CPLANE1: variants seen among roughly 807,000 people sequenced by gnomAD.
The protein encoded by CPLANE1 is ciliogenesis and planar polarity effector complex subunit 1.
CPLANE1 carries 263 observed loss-of-function variants against 362.5 expected under a neutral mutation model. The ratio of observed to expected loss-of-function variants is 0.73; its 90% CI spans 0.66 to 0.80. CPLANE1 has a LOEUF of 0.80. CPLANE1 is among the 30% of genes least tolerant of loss of function. CPLANE1 has a pLI of 0.00. For synonymous variants in CPLANE1, 1,212 were observed against 1,302.6 expected, an observed-to-expected ratio of 0.93 and a Z score of 1.50; for missense variants, 3,461 against 3,793.4, an observed-to-expected ratio of 0.91 and a Z score of 2.30.
intron 24 of CPLANE1, among the ~76,000 whole-genome samples, chr5:37,185,436 T>TA (rs1248592557): frequency 2.0e-5 from 3 of 152,040 alleles, no homozygotes; most frequent in South Asian, 2.1e-4. Context: ...TATTATCACA[T>TA]AGAGAATAAG....
In CPLANE1 at chr5:37,165,681, A is replaced by G. The variant is rs760291581; in HGVS notation, c.7401-10T>C. 1.3e-6 allele frequency: 2 copies of G among 1,596,344 alleles called. No homozygotes were observed. On this transcript the variant is annotated splice_polypyrimidine_tract_variant and intron_variant, in intron 35 of 52. Transcript: ENST00000651892. ...AGCTCTTCTTCTTTGCCTGTTAAAC[A>G]TAATAGCATAAAACATACTTTTACA...
the CPLANE1 span, among the ~76,000 whole-genome samples, chr5:37,096,919 G>A: frequency 7.9e-5 from 12 of 152,270 alleles, no homozygotes; most frequent in South Asian, 2.1e-4. Flanking sequence ...AGATGTTGGC[G>A]TGGATGCAGT....
the CPLANE1 span, among the ~76,000 whole-genome samples, chr5:37,089,291 C>T: frequency 2.1e-3 from 314 of 152,276 alleles, no homozygotes; most frequent in African/African-American, 6.9e-3. Flanking sequence ...GGAAGAAAGG[C>T]AGTTATACAA....
At chr5:37,239,580 CAAAAA>C (rs10591482) in intron 7 of CPLANE1, 128 bp downstream of exon 7, 221 of 303,936 alleles carry the variant, frequency 7.3e-4, no homozygotes, top group Middle Eastern at 2.0e-3. Context: ...GAGACCCTGT[CAAAAA>C]AAAAAAAAAA....
chr5:37,084,028 C>T, the CPLANE1 span, among the ~76,000 whole-genome samples: 1 of 152,148 alleles, frequency 6.6e-6, no homozygotes, highest in Non-Finnish European at 1.5e-5. Context: ...AGCTGTGAGA[C>T]AAAAGCACCA....
intron 15 of CPLANE1, among the ~76,000 whole-genome samples, chr5:37,220,881 T>C (rs1384746312): frequency 6.6e-6 from 1 of 152,236 alleles, no homozygotes; most frequent in Non-Finnish European, 1.5e-5. Context: ...ACTAAACTGC[T>C]GTAAGCAATA....
At chr5:37,086,309 C>G in the CPLANE1 span, among the ~76,000 whole-genome samples, 2 of 152,136 alleles carry the variant, frequency 1.3e-5, no homozygotes, top group Non-Finnish European at 2.9e-5. Context: ...GGCCACAAAA[C>G]GAGCCTCAAT....
At position 37,125,379 on chromosome 5, in the gene CPLANE1, T is replaced by C; in HGVS notation, c.8823A>G (p.Gln2941=). 6.2e-7 allele frequency: 1 copy of C among 1,613,410 alleles called. No individual in the cohort carries two copies. Among genetic ancestry groups the C allele is most frequent in the South Asian group, 1.1e-5 (1 of 90,946 alleles). The change falls in exon 47 of 53, where the codon CAA becomes CAG. Residue 2941 remains glutamine, a synonymous_variant. Coordinates refer to ENST00000651892, the MANE Select transcript of CPLANE1 (RefSeq NM_001384732.1). The stretch of plus-strand genomic sequence containing the variant: ...TCTCTCTTCTTTCCTTGTCAGTTCT[T>C]TGTGAATGTCTGCCAGAATAATGCT... ...RIQHYSGRHS[Q]RTDKERREIQ...
At chr5:37,193,913 AC>A (rs1308657764) in intron 21 of CPLANE1, among the ~76,000 whole-genome samples, 1 of 149,386 alleles carries the variant, frequency 6.7e-6, no homozygotes, top group Admixed American at 6.7e-5. Flanking sequence ...CCAGAAAGGA[AC>A]TTTTTTTTTC....
chr5:37,222,729 A>T (rs1162371155), intron 14 of CPLANE1, among the ~76,000 whole-genome samples: 1 of 152,228 alleles, frequency 6.6e-6, no homozygotes, highest in Non-Finnish European at 1.5e-5. Flanking sequence ...AGAGAACTAC[A>T]CTAGCCTTCT....
chr5:37,210,688 AAG>A (rs1580766779), intron 16 of CPLANE1: 5 of 1,574,730 alleles, frequency 3.2e-6, no homozygotes, highest in East Asian at 2.2e-5. Flanking sequence ...CTACTAAAAG[AAG>A]AGAGACTGGA....
intron 8 of CPLANE1, among the ~76,000 whole-genome samples, chr5:37,234,422 G>C (rs1266698175): frequency 1.4e-5 from 2 of 142,944 alleles, no homozygotes; most frequent in African/African-American, 5.2e-5. Flanking sequence ...AAAATGAATT[G>C]AAGGAAATAT....
chr5:37,180,895 T>A lies in CPLANE1; in HGVS notation c.5532A>T (p.Glu1844Asp), dbSNP rs184096663. ...GACAAGATTTATTCTGACCATTTCT[T>A]TCCTCAGTTCCACCTGGAGTTGCTA... is the stretch of plus-strand genomic sequence containing the variant. ...VAVATPGGTEERNGQNKSCQN... is the reference protein window; with the variant it reads ...VAVATPGGTEDRNGQNKSCQN... The change falls in exon 27 of 53, where the codon GAA (glutamate) becomes GAT (aspartate). Residue 1844 changes from glutamate to aspartate, a missense_variant. By Grantham distance (45) the Glu-to-Asp change is conservative. Around this residue, in one of 2 missense-constraint regions of CPLANE1, gnomAD observed 3,380 missense variants for 3,666.1 expected, o/e 0.92. Coordinates refer to ENST00000651892, the MANE Select transcript of CPLANE1 (RefSeq NM_001384732.1). The A allele has an allele frequency of 5.0e-5, 80 of 1,614,120 alleles. No individual in the cohort carries two copies. In the East Asian group the frequency reaches 1.8e-3, roughly 36 times the overall value.
chr5:37,124,217 A>T (rs1337512904), intron 47 of CPLANE1, among the ~76,000 whole-genome samples: 3 of 152,206 alleles, frequency 2.0e-5, no homozygotes, highest in Admixed American at 2.0e-4. Context: ...ATGATGCTGA[A>T]AAAAATGAAG....
rs761204692 is a variant in CPLANE1, at chr5:37,185,089, A to G, written c.4190-10T>C. On this transcript the variant is annotated splice_polypyrimidine_tract_variant and intron_variant, in intron 24 of 52. Transcript: ENST00000651892. ...TCCTCAGTCTGGGGTCCTGGAAAGAAAAGAATAAAAAGTCTTAGTGTTCAT... is the reference window on the plus strand; with the variant it reads ...TCCTCAGTCTGGGGTCCTGGAAAGAGAAGAATAAAAAGTCTTAGTGTTCAT... 1 of 1,565,034 alleles carries G rather than the reference A, an allele frequency of 6.4e-7. No homozygotes were observed.
At position 37,196,865 on chromosome 5, in the gene CPLANE1, C is replaced by T. The variant is rs551398263; in HGVS notation, c.3673-869G>A. ...ACTTAAACCCGGGAGCCGGAGGTTG[C>T]GGTGAGCCGAGACCATGCCACTGCA... is the stretch of plus-strand genomic sequence containing the variant. On this transcript the variant is annotated intron_variant, in intron 20 of 52. Transcript: ENST00000651892. Among the ~76,000 whole-genome samples, 30 of 151,614 alleles carry T rather than the reference C, an allele frequency of 2.0e-4. 1 individual carries two copies. In the South Asian group the frequency reaches 5.2e-3, roughly 26 times the overall value.
chr5:37,100,190 A>G, the CPLANE1 span, among the ~76,000 whole-genome samples: 2 of 152,076 alleles, frequency 1.3e-5, no homozygotes, highest in African/African-American at 4.8e-5. Flanking sequence ...GCCAGTGCTG[A>G]TGTTCTGAAT....
chr5:37,184,947 T>C lies in CPLANE1; in HGVS notation c.4322A>G (p.Lys1441Arg), dbSNP rs372201329. 9.1e-5 allele frequency: 147 copies of C among 1,614,008 alleles called. No homozygotes were observed. The highest frequency in any genetic ancestry group is 1.2e-4 in the Non-Finnish European group (139 of 1,179,988). Residue 1441 changes from lysine (K) to arginine (R), a missense_variant, in exon 25 of 53, where the codon AAA (lysine) becomes AGA (arginine). This residue lies in a region of CPLANE1 where 3,380 missense variants were observed against 3,666.1 expected (regional missense o/e 0.92). Coordinates refer to ENST00000651892, the MANE Select transcript of CPLANE1 (RefSeq NM_001384732.1). ...GTCAACACCTGGAGCCTCATCTGGT[T>C]TCTCTTCTTCAATTGGTTCCCATAT... ...VNIWEPIEEE[K>R]PDEAPGVDRY...
chr5:37,137,965 T>G (rs1198355208), intron 46 of CPLANE1, among the ~76,000 whole-genome samples: 2 of 152,084 alleles, frequency 1.3e-5, no homozygotes, highest in Non-Finnish European at 2.9e-5. Flanking sequence ...GGCCAAGCAT[T>G]TGGTCGATCT....
Sources: allele counts gnomAD v4.1 joint callset (sites outside exome capture counted in the v4.1 genomes callset), GRCh38; gene constraint gnomAD v4.1.1; regional missense constraint gnomAD v4.1.1; transcripts MANE v1.5; gene names NCBI Gene and HGNC (gene_info 2026-07-23, HGNC 2026-07-21).